LRP8: variants seen among roughly 807,000 people sequenced by gnomAD.
The protein encoded by LRP8 is low-density lipoprotein receptor-related protein 8.
A neutral mutation model predicts 111.6 loss-of-function variants in LRP8; 46 were observed. That is an observed-to-expected ratio of 0.41 (90% CI 0.33 to 0.53). The LOEUF (loss-of-function observed/expected upper bound fraction) is 0.53. LRP8 is among the 20% of genes least tolerant of loss of function. LRP8 has a pLI of 0.20. For synonymous variants in LRP8, 464 were observed against 511.2 expected (o/e 0.91, Z 1.24); for missense variants, 959 against 1,297.4 (o/e 0.74, Z 4.01).
At chr1:53,272,542 T>C (rs1335386169) in intron 6 of LRP8, 18 of 1,282,932 alleles carry the variant, frequency 1.4e-5, no homozygotes, top group African/African-American at 3.0e-5. Context: ...CCCCAGGCCA[T>C]GCACAGCTAT....
intron 2 of LRP8, among the ~76,000 whole-genome samples, chr1:53,301,558 C>T (rs1650867808): frequency 6.6e-6 from 1 of 152,056 alleles, no homozygotes; most frequent in Non-Finnish European, 1.5e-5. Context: ...CCCATCTCTA[C>T]AACAACAAAA....
At chr1:53,257,526 T>C (rs112303249) in intron 14 of LRP8, 62 bp from the exon 15 acceptor site, 1 of 1,260,284 alleles carries the variant, frequency 7.9e-7, no homozygotes, top group Non-Finnish European at 1.1e-6. Context: ...AGGTATTGCC[T>C]CTGAGATATA....
intron 2 of LRP8, among the ~76,000 whole-genome samples, chr1:53,325,687 G>C (rs1655036853): frequency 1.3e-5 from 2 of 152,366 alleles, no homozygotes; most frequent in Middle Eastern, 3.4e-3. Context: ...ATTCAACAGA[G>C]AGGGTGCCTG....
chr1:53,308,154 C>T lies in LRP8; in HGVS notation c.245-18465G>A, dbSNP rs116041493. ...GGCTTTCCTGACATGGAGGTGGGCT[C>T]GGGGCTGCACATCCAAATCCAAACA... is the stretch of plus-strand genomic sequence containing the variant. On this transcript the variant is annotated intron_variant, in intron 2 of 18. Transcript: ENST00000306052. Among the ~76,000 whole-genome samples the T allele has an allele frequency of 9.0e-3, 1,372 of 152,278 alleles. 22 individuals carry two copies. The highest frequency in any genetic ancestry group is 0.032 in the African/African-American group (1,319 of 41,550).
At chr1:53,268,106 G>A (rs1047459842) in intron 8 of LRP8, 1 of 152,410 alleles carries the variant, frequency 6.6e-6, no homozygotes, top group Admixed American at 6.5e-5. Context: ...GGTACAAATA[G>A]CATGGAGAAT....
chr1:53,287,655 T>C (rs1041268127), intron 3 of LRP8, among the ~76,000 whole-genome samples: 1 of 152,108 alleles, frequency 6.6e-6, no homozygotes, highest in Non-Finnish European at 1.5e-5. Flanking sequence ...ATGGATAAGC[T>C]GTGTGTTTTT....
At chr1:53,267,987 C>A (rs916714752) in intron 8 of LRP8, 1 of 152,394 alleles carries the variant, frequency 6.6e-6, no homozygotes, top group African/African-American at 2.4e-5. Flanking sequence ...AATGTGCTCC[C>A]TGGAGGATGG....
chr1:53,312,853 T>C (rs1653259358), intron 2 of LRP8, among the ~76,000 whole-genome samples: 1 of 152,106 alleles, frequency 6.6e-6, no homozygotes, highest in East Asian at 1.9e-4. Flanking sequence ...CTGGGATAGT[T>C]CTGAGCAGCC....
rs2100422177 is a variant in LRP8, at chr1:53,276,940, C to A, written c.635G>T (p.Arg212Leu). Residue 212 changes from arginine (R) to leucine (L), a missense_variant, in exon 5 of 19, where the codon CGC (arginine) becomes CTC (leucine). Transcript: ENST00000306052. ...ADPACGPREF[R>L]CGGDGGGACI... ...GGCGCCGCCGCCATCGCCGCCGCAG[C>A]GGAACTCGCGGGGCCCGCAGGCCGG... 1.4e-6 allele frequency: 2 copies of A among 1,461,728 alleles called. No individual in the cohort carries two copies. Among genetic ancestry groups the A allele is most frequent in the Non-Finnish European group, 1.8e-6 (2 of 1,109,958 alleles). The allele number at this position is 1,461,728 out of a possible 1,614,324, so 90.5% of individuals were successfully genotyped here.
chr1:53,322,513 G>A (rs1274402873), intron 2 of LRP8, among the ~76,000 whole-genome samples: 1 of 152,196 alleles, frequency 6.6e-6, no homozygotes, highest in African/African-American at 2.4e-5. Context: ...AGCTAATTTG[G>A]TGTCACAGGC....
chr1:53,254,474 GT>G (rs1646006653), intron 16 of LRP8, among the ~76,000 whole-genome samples: 1 of 151,850 alleles, frequency 6.6e-6, no homozygotes, highest in Non-Finnish European at 1.5e-5. Context: ...CAAGTTAAGT[GT>G]TTCCTCAGCA....
intron 2 of LRP8, among the ~76,000 whole-genome samples, chr1:53,323,182 A>G (rs1203139820): frequency 2.6e-5 from 4 of 152,212 alleles, no homozygotes; most frequent in Admixed American, 2.6e-4. Flanking sequence ...AGACAGTACA[A>G]GTTCCATAGC....
chr1:53,287,309 T>A (rs554266986), intron 3 of LRP8, among the ~76,000 whole-genome samples: 46 of 152,296 alleles, frequency 3.0e-4, no homozygotes, highest in African/African-American at 9.6e-4. Flanking sequence ...CTCCAGGCAG[T>A]CTTCCGCCTT....
intron 18 of LRP8, among the ~76,000 whole-genome samples, chr1:53,247,793 C>G (rs1050791961): frequency 3.9e-5 from 6 of 152,226 alleles, no homozygotes; most frequent in African/African-American, 1.4e-4. Context: ...TAGGACAACC[C>G]TTGAAATTTA....
At position 53,255,112 on chromosome 1, in the gene LRP8, C is replaced by G; in HGVS notation, c.2503+5G>C. 6.2e-7 allele frequency: 1 copy of G among 1,613,262 alleles called. No homozygotes were observed. Among genetic ancestry groups the G allele is most frequent in the Non-Finnish European group, 8.5e-7 (1 of 1,179,812 alleles). ...TTCTCTTCAGTGACTGGGGGCCACACTCACCTATGGGCACGATGATCCCGA... is the reference window on the plus strand; with the variant it reads ...TTCTCTTCAGTGACTGGGGGCCACAGTCACCTATGGGCACGATGATCCCGA... On this transcript the variant is annotated splice_donor_5th_base_variant and intron_variant, in intron 16 of 18. Coordinates refer to ENST00000306052, the MANE Select transcript of LRP8 (RefSeq NM_004631.5).
intron 12 of LRP8, among the ~76,000 whole-genome samples, chr1:53,261,543 G>T (rs942809619): frequency 8.5e-5 from 13 of 152,228 alleles, no homozygotes. Context: ...GAGAAGAAAA[G>T]TCATTAGGGT....
rs1478839939 is a variant in LRP8, at chr1:53,264,323, C to T, written c.1501G>A (p.Gly501Ser). The T allele has an allele frequency of 1.2e-6, 2 of 1,614,124 alleles. No homozygotes were observed. The highest frequency in any genetic ancestry group is 2.2e-5 in the East Asian group (1 of 44,874). The change falls in exon 10 of 19, where the codon GGC (glycine) becomes AGC (serine). Residue 501 changes from glycine to serine, a missense_variant. Around this residue, in one of 3 missense-constraint regions of LRP8, gnomAD observed 819 missense variants for 1,097.6 expected, o/e 0.75. Transcript: ENST00000306052. ...TTGTGGACCCAGTCCACTGCCAGGC[C>T]CTCTGGAGAGTGCAACTGCTCGTCA... ...LIDEQLHSPE[G>S]LAVDWVHKHI...
chr1:53,262,674 G>T lies in LRP8; in HGVS notation c.1656-110C>A. On this transcript the variant is annotated intron_variant, in intron 10 of 18. Coordinates refer to ENST00000306052, the MANE Select transcript of LRP8 (RefSeq NM_004631.5). This position sits in a 1 kb window ranked among gnomAD's most constrained non-coding sequence, Gnocchi z 4.8. ...ACTAGTTGTGGTTTATGTTTAGTAG[G>T]GACTGAGAAGACCTCTAAAGTTCTT... 1 of 811,164 alleles carries T rather than the reference G, an allele frequency of 1.2e-6. No individual in the cohort carries two copies. Among genetic ancestry groups the T allele is most frequent in the Non-Finnish European group, 2.1e-6 (1 of 475,280 alleles). The allele number at this position is 811,164 out of a possible 1,614,324, so 50.2% of individuals were successfully genotyped here.
rs780699093 is a variant in LRP8, at chr1:53,276,825, G to A, written c.750C>T (p.Pro250=). ...AGGCGGCGGGCGCGGACGTGGCCCCGGGGCCCGGACGGCCGCAGAGCTCGG... is the reference window on the plus strand; with the variant it reads ...AGGCGGCGGGCGCGGACGTGGCCCCAGGGCCCGGACGGCCGCAGAGCTCGG... The part of the protein sequence containing the change: ...EAAELCGRPG[P]GATSAPAACA... The change falls in exon 5 of 19, where the codon CCC becomes CCT. Residue 250 remains proline (P), a synonymous_variant. Transcript: ENST00000306052. 7.9e-7 allele frequency: 1 copy of A among 1,264,922 alleles called. No homozygotes were observed. The highest frequency in any genetic ancestry group is 1.0e-6 in the Non-Finnish European group (1 of 1,002,550). 78.4% of individuals were successfully genotyped at this position (1,264,922 alleles called of 1,614,324 possible). A position where few individuals can be genotyped will look rare whatever the true frequency, so the allele number is the denominator to read the frequency against.
Sources: gnomAD v4.1 joint callset for allele counts (sites outside exome capture counted in the v4.1 genomes callset) on GRCh38, gnomAD v4.1.1 for gene constraint, gnomAD v4.1.1 regional missense constraint, Gnocchi (gnomAD v3.1) non-coding constraint, MANE v1.5 for transcripts, NCBI Gene and HGNC (gene_info 2026-07-23, HGNC 2026-07-21) for gene names.